Variants in WDR45B observed in about 807,000 individuals in gnomAD.
WDR45B encodes WD repeat domain 45B.
Under a neutral mutation model 44.6 loss-of-function variants are expected in WDR45B, and 20 were observed. The ratio of observed to expected loss-of-function variants is 0.45; its 90% confidence interval spans 0.32 to 0.65. WDR45B has a LOEUF of 0.65. Among genes scored for constraint, WDR45B ranks in the 30% least tolerant of loss-of-function variants. WDR45B has a pLI of 0.05. For synonymous variants in WDR45B, 169 were observed against 164.9 expected, an observed-to-expected ratio of 1.02 and a Z score of -0.19; for missense variants, 323 against 430.2, an observed-to-expected ratio of 0.75 and a Z score of 2.20.
At chr17:82,638,228 AGAGGAGGGGAGGGGAGGGGAGGGG>A (rs2045863240) in intron 2 of WDR45B, among the ~76,000 whole-genome samples, 1 of 5,478 alleles carries the variant, frequency 1.8e-4, no homozygotes, top group Non-Finnish European at 2.8e-4. Flanking sequence ...AGGGGAGGGG[AGAGGAGGGGAGGGGAGGGGAGGGG>A]AGGGGAGGGG....
chr17:82,616,798 G>T (rs1190309769), intron 8 of WDR45B, among the ~76,000 whole-genome samples, 153 bp from the exon 9 acceptor site: 1 of 151,916 alleles, frequency 6.6e-6, no homozygotes, highest in Non-Finnish European at 1.5e-5. Context: ...GACAAAGCCT[G>T]TTGTACAATT....
chr17:82,641,002 G>T (rs1451217206), intron 2 of WDR45B, among the ~76,000 whole-genome samples: 8 of 124,078 alleles, frequency 6.4e-5, no homozygotes, highest in Non-Finnish European at 1.1e-4. Flanking sequence ...GTCTTGCTCT[G>T]TCGCCCAGGA....
chr17:82,630,539 A>C (rs1438671474), intron 3 of WDR45B, among the ~76,000 whole-genome samples: 1 of 152,094 alleles, frequency 6.6e-6, no homozygotes, highest in Non-Finnish European at 1.5e-5. Flanking sequence ...CCAGAGCCCA[A>C]GTGGTGTTTT....
chr17:82,624,623 AG>A (rs1440875844), intron 5 of WDR45B, among the ~76,000 whole-genome samples: 2 of 125,238 alleles, frequency 1.6e-5, no homozygotes, highest in Admixed American at 7.8e-5. Flanking sequence ...AATTTATTGA[AG>A]TTTTTTTTTT....
At chr17:82,619,688 T>C (rs973157383) in intron 6 of WDR45B, among the ~76,000 whole-genome samples, 1 of 152,240 alleles carries the variant, frequency 6.6e-6, no homozygotes, top group Non-Finnish European at 1.5e-5. Flanking sequence ...ACTCTTCAGC[T>C]GATTCTGACA....
Position 82,615,910 on chromosome 17 carries a change from C to G in WDR45B, c.*9G>C, listed in dbSNP as rs1295723725. On this transcript the variant is annotated 3_prime_UTR_variant, in exon 10 of 10. Transcript: ENST00000392325. ...CAGGTGGTGGGTGCTGTGGCGCCCC[C>G]AGCTGGAGTCACAGCTTGTCATCGG... 14 of 1,612,770 alleles carry G rather than the reference C, an allele frequency of 8.7e-6. No homozygotes were observed. The highest frequency in any genetic ancestry group is 1.3e-5 in the African/African-American group (1 of 74,720).
chr17:82,621,567 C>T, intron 6 of WDR45B, 42 bp downstream of exon 6: 1 of 1,612,318 alleles, frequency 6.2e-7, no homozygotes, highest in Non-Finnish European at 8.5e-7. Context: ...GAGCCTGCTG[C>T]TCCAGGAGGC....
chr17:82,623,837 T>C (rs1011403959), intron 5 of WDR45B, among the ~76,000 whole-genome samples: 5 of 151,844 alleles, frequency 3.3e-5, no homozygotes, highest in South Asian at 4.1e-4. Flanking sequence ...CCACCGCCAG[T>C]CCTCAGAGAA....
At chr17:82,638,931 T>C (rs1464053742) in intron 2 of WDR45B, among the ~76,000 whole-genome samples, 1 of 151,976 alleles carries the variant, frequency 6.6e-6, no homozygotes, top group African/African-American at 2.4e-5. Context: ...CAAGTGATTC[T>C]CCTGCCTCAG....
intron 8 of WDR45B, 102 bp from the exon 9 acceptor site, chr17:82,616,747 A>C: frequency 6.9e-7 from 1 of 1,459,164 alleles, no homozygotes; most frequent in Non-Finnish European, 9.5e-7. Flanking sequence ...ATGCTCCTTC[A>C]TATGGTTTGA....
intron 1 of WDR45B, among the ~76,000 whole-genome samples, chr17:82,647,580 A>T (rs987409855): frequency 6.6e-6 from 1 of 152,178 alleles, no homozygotes; most frequent in Non-Finnish European, 1.5e-5. Flanking sequence ...ATGGGAAAAG[A>T]AGTAAGATTT....
intron 2 of WDR45B, among the ~76,000 whole-genome samples, chr17:82,634,890 C>T (rs187546901): frequency 1.3e-5 from 2 of 152,006 alleles, no homozygotes; most frequent in African/African-American, 4.8e-5. Context: ...CAGGCTGCAA[C>T]AGAGATCAAC....
chr17:82,648,426 G>A lies in WDR45B; in HGVS notation c.-86C>T, dbSNP rs1475594039. The A allele has an allele frequency of 4.0e-6, 6 of 1,502,310 alleles. No individual in the cohort carries two copies. Among genetic ancestry groups the A allele is most frequent in the East Asian group, 2.5e-5 (1 of 39,378 alleles). 93.1% of individuals were successfully genotyped at this position (1,502,310 alleles called of 1,614,324 possible). A position where few individuals can be genotyped will look rare whatever the true frequency, so the allele number is the denominator to read the frequency against. ...CCTGGTCCCTTCGGGCCGGCGCTGA[G>A]GCCGCCGCGGCCGGAAGTGCCGGAC... On this transcript the variant is annotated 5_prime_UTR_variant, in exon 1 of 10. Coordinates refer to ENST00000392325, the MANE Select transcript of WDR45B (RefSeq NM_019613.4).
At chr17:82,640,799 A>G (rs1183456304) in intron 2 of WDR45B, among the ~76,000 whole-genome samples, 1 of 152,124 alleles carries the variant, frequency 6.6e-6, no homozygotes, top group African/African-American at 2.4e-5. Flanking sequence ...ACGGGAGCAC[A>G]CCACACATGC....
intron 1 of WDR45B, among the ~76,000 whole-genome samples, chr17:82,646,669 G>A (rs1036685055): frequency 6.6e-6 from 1 of 152,174 alleles, no homozygotes; most frequent in Non-Finnish European, 1.5e-5. Context: ...AGTGACAGGT[G>A]TGTAGTTTGG....
Position 82,621,708 on chromosome 17 carries a change from G to A in WDR45B, c.519C>T (p.Ser173=). The change falls in exon 6 of 10, where the codon AGC becomes AGT. Residue 173 remains serine, a synonymous_variant. Coordinates refer to ENST00000392325, the MANE Select transcript of WDR45B (RefSeq NM_019613.4). ...TGHVQLVDLA[S]TEKPPVDIPA... ...GAATGTCCACGGGTGGCTTCTCCGT[G>A]CTGGCCAGGTCCACAAGCTGCACAT... 6.2e-7 allele frequency: 1 copy of A among 1,614,160 alleles called. No homozygotes were observed. Among genetic ancestry groups the A allele is most frequent in the Non-Finnish European group, 8.5e-7 (1 of 1,180,034 alleles).
chr17:82,648,231 G>A (rs2046007705), intron 1 of WDR45B, 43 bp downstream of exon 1: 1 of 1,583,976 alleles, frequency 6.3e-7, no homozygotes, highest in East Asian at 2.4e-5. Flanking sequence ...CCGGGCTGCG[G>A]GAAGGCCCGG....
chr17:82,629,491 A>C (rs2045741113), intron 3 of WDR45B: 1 of 985,448 alleles, frequency 1.0e-6, no homozygotes, highest in African/African-American at 1.7e-5. Context: ...CTATGCTAGC[A>C]GCCACTCTCA....
Position 82,648,330 on chromosome 17 carries a change from A to C in WDR45B, c.11T>G (p.Leu4Arg). The C allele has an allele frequency of 1.2e-6, 2 of 1,606,816 alleles. No individual in the cohort carries two copies. The highest frequency in any genetic ancestry group is 1.7e-6 in the Non-Finnish European group (2 of 1,178,048). Residue 4 changes from leucine to arginine, a missense_variant, in exon 1 of 10, where the codon CTG becomes CGG. Transcript: ENST00000392325. ...CCCGTTGCCGTGAGGGTTACACGGC[A>C]GGAGGTTCATGGCGCCGCCGTGCTG... MNL[L>R]PCNPHGNGLL...
Sources: allele counts gnomAD v4.1 joint callset (sites outside exome capture counted in the v4.1 genomes callset), GRCh38; gene constraint gnomAD v4.1.1; transcripts MANE v1.5; gene names NCBI Gene and HGNC (gene_info 2026-07-23, HGNC 2026-07-21).